PATJ: variants seen among roughly 807,000 people sequenced by gnomAD.
PATJ encodes inaD-like protein.
Under a neutral mutation model 224.9 loss-of-function variants are expected in PATJ, and 190 were observed. That is an observed-to-expected ratio of 0.84 (90% CI 0.75 to 0.95). The LOEUF (loss-of-function observed/expected upper bound fraction) is 0.95. PATJ is among the 40% of genes least tolerant of loss of function. PATJ has a pLI of 0.00. For synonymous variants in PATJ, 769 were observed against 820.3 expected, an observed-to-expected ratio of 0.94 and a Z score of 1.07; for missense variants, 2,121 against 2,270.3, an observed-to-expected ratio of 0.93 and a Z score of 1.34.
intron 33 of PATJ, among the ~76,000 whole-genome samples, chr1:62,093,170 A>G (rs961971735): frequency 4.6e-5 from 7 of 152,220 alleles, no homozygotes; most frequent in Non-Finnish European, 2.9e-5. Context: ...TTAGCAAGAA[A>G]TATCATGGTA....
intron 27 of PATJ, among the ~76,000 whole-genome samples, chr1:61,948,616 G>A (rs1338498293): frequency 6.6e-6 from 1 of 152,140 alleles, no homozygotes. Context: ...ACTGTTGGTG[G>A]GACTGTAAAC....
chr1:61,969,045 A>G (rs1429778740), intron 27 of PATJ, among the ~76,000 whole-genome samples: 1 of 152,208 alleles, frequency 6.6e-6, no homozygotes, highest in Non-Finnish European at 1.5e-5. Flanking sequence ...ATGTTGTAGT[A>G]TGTGACAGGG....
At chr1:61,961,339 T>C (rs1184247307) in intron 27 of PATJ, among the ~76,000 whole-genome samples, 1 of 152,014 alleles carries the variant, frequency 6.6e-6, no homozygotes, top group Non-Finnish European at 1.5e-5. Context: ...GAAACTTAGC[T>C]CTCTGACATC....
chr1:61,910,808 A>G (rs1484325702), intron 25 of PATJ, among the ~76,000 whole-genome samples: 1 of 151,778 alleles, frequency 6.6e-6, no homozygotes, highest in Non-Finnish European at 1.5e-5. Flanking sequence ...TGGCCTCCCA[A>G]AGTGTTGGGA....
chr1:61,848,139 G>C (rs1340018696), intron 17 of PATJ, among the ~76,000 whole-genome samples: 1 of 152,176 alleles, frequency 6.6e-6, no homozygotes, highest in Non-Finnish European at 1.5e-5. Flanking sequence ...AGAGTTGAAA[G>C]AAGGGATCAT....
intron 31 of PATJ, among the ~76,000 whole-genome samples, chr1:62,064,696 A>T (rs74588757): frequency 5.3e-4 from 80 of 152,278 alleles, no homozygotes; most frequent in African/African-American, 1.7e-3. Flanking sequence ...TCTAATGATT[A>T]TGGGCTTCTT....
chr1:61,882,007 G>A (rs1213979362), intron 21 of PATJ, among the ~76,000 whole-genome samples: 1 of 152,152 alleles, frequency 6.6e-6, no homozygotes, highest in Non-Finnish European at 1.5e-5. Context: ...GTTGGTTGGT[G>A]TATTAAGCAA....
In PATJ at chr1:62,116,577, C is replaced by G. The variant is rs371984333; in HGVS notation, c.4701C>G (p.Ala1567=). The change falls in exon 36 of 44, where the codon GCC becomes GCG. Residue 1567 remains alanine, a synonymous_variant. Transcript: ENST00000642238. ...VFISDIVKGG[A]ADLDGRLIQG... is the part of the protein sequence containing the mutation. ...TTTCTGACATCGTGAAAGGCGGAGC[C>G]GCAGACCTGGATGGGAGATTGATTC... The G allele has an allele frequency of 6.2e-7, 1 of 1,614,030 alleles. No individual in the cohort carries two copies. The highest frequency in any genetic ancestry group is 1.1e-5 in the South Asian group (1 of 91,064).
chr1:62,088,132 C>A (rs190990741), intron 33 of PATJ, among the ~76,000 whole-genome samples: 2,164 of 152,126 alleles, frequency 0.014, 20 homozygotes, highest in Middle Eastern at 0.024. Flanking sequence ...CTCAGGTGAT[C>A]CGCCTGCCTC....
Position 62,018,007 on chromosome 1 carries a change from G to A in PATJ, c.3959+60G>A. 2 of 855,100 alleles carry A rather than the reference G, an allele frequency of 2.3e-6. No individual in the cohort carries two copies. Among genetic ancestry groups the A allele is most frequent in the Non-Finnish European group, 4.0e-6 (2 of 497,216 alleles). 53.0% of individuals were successfully genotyped at this position (855,100 alleles called of 1,614,324 possible). ...GACCTCTTCTGAAGATGTTATTAGTGTAAGACTATGTCATCTTTGATTTGT... is the reference window on the plus strand; with the variant it reads ...GACCTCTTCTGAAGATGTTATTAGTATAAGACTATGTCATCTTTGATTTGT... On this transcript the variant is annotated intron_variant, in intron 29 of 43. Coordinates refer to ENST00000642238, the MANE Select transcript of PATJ (RefSeq NM_001350145.3). This position sits in a 1 kb window ranked among gnomAD's most constrained non-coding sequence, Gnocchi z 4.2.
intron 27 of PATJ, among the ~76,000 whole-genome samples, chr1:61,979,185 A>G (rs952865899): frequency 1.3e-5 from 2 of 152,088 alleles, no homozygotes; most frequent in African/African-American, 4.8e-5. Flanking sequence ...GCCTGGTGCC[A>G]AAAGAAGTAG....
rs1482969610 is a variant in PATJ, at chr1:61,830,274, AG to A, written c.1980+2692del. ...CAATCCCATTCACATAGCCACAAAAAGAACAAAATAACTGGAATACAGCTAA... is the reference window on the plus strand; with the variant it reads ...CAATCCCATTCACATAGCCACAAAAAAACAAAATAACTGGAATACAGCTAA... On this transcript the variant is annotated intron_variant, in intron 16 of 43. Coordinates refer to ENST00000642238, the MANE Select transcript of PATJ (RefSeq NM_001350145.3). 2.0e-5 allele frequency among the ~76,000 whole-genome samples: 3 copies of A among 152,212 alleles called. No individual in the cohort carries two copies. The East Asian group carries it at 5.8e-4, about 29-fold the overall frequency.
At chr1:61,998,004 TTA>T (rs1434332596) in intron 28 of PATJ, among the ~76,000 whole-genome samples, 1 of 104,670 alleles carries the variant, frequency 9.6e-6, no homozygotes, top group East Asian at 3.4e-4. Flanking sequence ...ATATAATATA[TTA>T]TATATATTAA....
At chr1:62,143,972 A>C (rs537390861) in intron 41 of PATJ, among the ~76,000 whole-genome samples, 1 of 152,096 alleles carries the variant, frequency 6.6e-6, no homozygotes, top group Non-Finnish European at 1.5e-5. Context: ...GGAGTGGGGT[A>C]GGTTTATAAA....
intron 11 of PATJ, among the ~76,000 whole-genome samples, chr1:61,799,255 C>T (rs12565091): frequency 0.19 from 28,185 of 151,992 alleles, 2,807 homozygotes; most frequent in Non-Finnish European, 0.22. Context: ...TGCAATGGCG[C>T]GATCTTGGCT....
chr1:62,140,405 C>A (rs148995980), intron 41 of PATJ, among the ~76,000 whole-genome samples: 5,197 of 152,248 alleles, frequency 0.034, 106 homozygotes, highest in Non-Finnish European at 0.046. Flanking sequence ...GTAATCCCAG[C>A]ACTTTGGGAG....
At chr1:62,107,062 C>T (rs1663153500) in intron 33 of PATJ, among the ~76,000 whole-genome samples, 1 of 151,936 alleles carries the variant, frequency 6.6e-6, no homozygotes, top group South Asian at 2.1e-4. Flanking sequence ...AATCCCAGCA[C>T]TCTGGGAGGT....
At chr1:62,045,775 GC>G (rs1652430500) in intron 30 of PATJ, among the ~76,000 whole-genome samples, 1 of 152,168 alleles carries the variant, frequency 6.6e-6, no homozygotes, top group South Asian at 2.1e-4. Flanking sequence ...ATTCACTCGT[GC>G]CTTAGAAATC....
intron 7 of PATJ, among the ~76,000 whole-genome samples, chr1:61,777,792 C>T (rs1299226512): frequency 1.4e-5 from 2 of 146,974 alleles, no homozygotes; most frequent in East Asian, 2.1e-4. Flanking sequence ...ACTGCAGCCT[C>T]GACCTCCCAG....
Sources: gnomAD v4.1 joint callset for allele counts (sites outside exome capture counted in the v4.1 genomes callset) on GRCh38, gnomAD v4.1.1 for gene constraint, Gnocchi (gnomAD v3.1) non-coding constraint, MANE v1.5 for transcripts, NCBI Gene and HGNC (gene_info 2026-07-23, HGNC 2026-07-21) for gene names.